ADAM23: variants seen among roughly 807,000 people sequenced by gnomAD.
ADAM23 encodes the protein ADAM metallopeptidase domain 23, also known as disintegrin and metalloproteinase domain-containing protein 23.
In ADAM23, 33 loss-of-function variants were observed where a neutral mutation model predicts 120.1. The ratio of observed to expected loss-of-function variants is 0.27; its 90% CI spans 0.21 to 0.37. The LOEUF is 0.37. Ranked by LOEUF, ADAM23 falls within the 10% of genes least tolerant of loss-of-function variation. ADAM23 has a pLI of 1.00. For missense variants in ADAM23, 862 were observed against 1,058.2 expected (o/e 0.81, Z 2.57); for synonymous variants, 367 against 375.2 (o/e 0.98, Z 0.25).
At position 206,443,827 on chromosome 2, in the gene ADAM23, C is replaced by G; in HGVS notation, c.-40C>G. ...GCCGCCCCGCAGCTAGCCCGGCGCT[C>G]TCGCCGGCCACACGGAGCGGCGCCC... On this transcript the variant is annotated 5_prime_UTR_variant, in exon 1 of 26. Transcript: ENST00000264377. 9.5e-7 allele frequency: 1 copy of G among 1,056,396 alleles called. No homozygotes were observed. The highest frequency in any genetic ancestry group is 1.1e-6 in the Non-Finnish European group (1 of 874,556). The allele number at this position is 1,056,396 out of a possible 1,614,324, so 65.4% of individuals were successfully genotyped here.
At chr2:206,577,633 G>A (rs1479335002) in intron 18 of ADAM23, among the ~76,000 whole-genome samples, 2 of 140,470 alleles carry the variant, frequency 1.4e-5, no homozygotes, top group Non-Finnish European at 3.1e-5. Flanking sequence ...TGGTGTATAT[G>A]TGCCACATTT....
intron 3 of ADAM23, among the ~76,000 whole-genome samples, chr2:206,499,886 G>T (rs977045577): frequency 6.6e-6 from 1 of 152,062 alleles, no homozygotes; most frequent in Non-Finnish European, 1.5e-5. Context: ...ACACCATGAA[G>T]TATTTTCAAT....
At chr2:206,458,594 G>A (rs1245027514) in intron 2 of ADAM23, among the ~76,000 whole-genome samples, 2 of 152,228 alleles carry the variant, frequency 1.3e-5, no homozygotes, top group Non-Finnish European at 2.9e-5. Flanking sequence ...TATAATCAGG[G>A]CACTCTAAGT....
chr2:206,609,826 C>A, intron 24 of ADAM23, 84 bp from the exon 25 acceptor site: 1 of 1,122,884 alleles, frequency 8.9e-7, no homozygotes, highest in Non-Finnish European at 1.3e-6. Context: ...ATATTTACTT[C>A]CTGAAACTGC....
chr2:206,543,280 G>T lies in ADAM23; in HGVS notation c.684G>T (p.Val228=). The T allele has an allele frequency of 6.2e-7, 1 of 1,614,074 alleles. No individual in the cohort carries two copies. The highest frequency in any genetic ancestry group is 8.5e-7 in the Non-Finnish European group (1 of 1,179,968). ...LHGMFEDDTF[V]YMIEPLELVH... ...GCATGTTTGAAGATGATACCTTCGTGTATATGATAGAGCCACTAGAGCTGG... is the reference window on the plus strand; with the variant it reads ...GCATGTTTGAAGATGATACCTTCGTTTATATGATAGAGCCACTAGAGCTGG... Residue 228 remains valine (V), a synonymous_variant, in exon 6 of 26, where the codon GTG becomes GTT. Transcript: ENST00000264377.
In ADAM23 at chr2:206,484,186, A is replaced by T. The variant is rs114723217; in HGVS notation, c.509+2878A>T. On this transcript the variant is annotated intron_variant, in intron 3 of 25. Transcript: ENST00000264377. ...GTGTGAAGCTGTAGGGTGTGTGCAG[A>T]TGGAGATTGACTTGCAGGTGAGGGG... Among the ~76,000 whole-genome samples the T allele has an allele frequency of 6.6e-3, 999 of 152,234 alleles. 12 individuals are homozygous for T. Among genetic ancestry groups the T allele is most frequent in the African/African-American group, 0.023 (938 of 41,550 alleles).
intron 4 of ADAM23, among the ~76,000 whole-genome samples, chr2:206,533,965 A>G (rs1447805863): frequency 6.6e-6 from 1 of 152,204 alleles, no homozygotes; most frequent in African/African-American, 2.4e-5. Context: ...TAATAAAACT[A>G]TTTTGTTGAT....
At chr2:206,560,253 T>C in intron 11 of ADAM23, 135 bp downstream of exon 11, 1 of 927,940 alleles carries the variant, frequency 1.1e-6, no homozygotes, top group Non-Finnish European at 1.6e-6. Context: ...GTCTGTTAGA[T>C]AAGAAGCATG....
chr2:206,612,734 T>C (rs1698849619), intron 25 of ADAM23, among the ~76,000 whole-genome samples: 1 of 152,232 alleles, frequency 6.6e-6, no homozygotes, highest in African/African-American at 2.4e-5. Flanking sequence ...TTCTTTAAAG[T>C]TCTTTCCTTA....
intron 3 of ADAM23, among the ~76,000 whole-genome samples, chr2:206,509,445 C>G (rs1325697481): frequency 2.0e-5 from 3 of 151,770 alleles, no homozygotes; most frequent in Non-Finnish European, 4.4e-5. Context: ...TTTGTATTTT[C>G]TTTTTTCTTT....
chr2:206,569,972 A>G (rs1399350784), intron 15 of ADAM23, among the ~76,000 whole-genome samples: 1 of 151,948 alleles, frequency 6.6e-6, no homozygotes, highest in Non-Finnish European at 1.5e-5. Context: ...AGGTGTAGTG[A>G]TTATGCCCAG....
Position 206,589,361 on chromosome 2 carries a change from A to G in ADAM23, c.1853-48A>G, listed in dbSNP as rs779651829. ...TACTGGCACACTACTGGTTATGGAT[A>G]ACAAAGAAAATGAAAATTAATTTTC... On this transcript the variant is annotated intron_variant, in intron 20 of 25. Coordinates refer to ENST00000264377, the MANE Select transcript of ADAM23 (RefSeq NM_003812.4). 3 of 1,529,456 alleles carry G rather than the reference A, an allele frequency of 2.0e-6. No individual in the cohort carries two copies. In the African/African-American group the frequency reaches 4.1e-5, roughly 21 times the overall value. The allele number at this position is 1,529,456 out of a possible 1,614,324, so 94.7% of individuals were successfully genotyped here. A position where few individuals can be genotyped will look rare whatever the true frequency, so the allele number is the denominator to read the frequency against.
chr2:206,549,060 G>T (rs1697459538), intron 8 of ADAM23, among the ~76,000 whole-genome samples: 1 of 151,874 alleles, frequency 6.6e-6, no homozygotes, highest in African/African-American at 2.4e-5. Flanking sequence ...ATGTAACTGA[G>T]AATTAATTCC....
intron 14 of ADAM23, among the ~76,000 whole-genome samples, chr2:206,565,836 T>C (rs1697865363): frequency 6.6e-6 from 1 of 152,180 alleles, no homozygotes; most frequent in South Asian, 2.1e-4. Context: ...TCCGTCCCTC[T>C]GGTTGCCAGA....
chr2:206,547,272 A>G (rs774072837), intron 6 of ADAM23, among the ~76,000 whole-genome samples, 157 bp from the exon 7 acceptor site: 5 of 152,238 alleles, frequency 3.3e-5, no homozygotes, highest in Non-Finnish European at 7.3e-5. Context: ...TTTAAAATTA[A>G]GATTTCAATA....
In ADAM23 at chr2:206,539,525, G is replaced by A. The variant is rs531885763; in HGVS notation, c.574-2527G>A. Among the ~76,000 whole-genome samples the A allele has an allele frequency of 5.3e-5, 8 of 152,294 alleles. No homozygotes were observed. In the South Asian group the frequency reaches 1.7e-3, roughly 32 times the overall value. ...TTGTCTTTTTGTTATTTTTAGAAGAGCCTTTTGCACTTTGTTTCTGTCCCC... is the reference window on the plus strand; with the variant it reads ...TTGTCTTTTTGTTATTTTTAGAAGAACCTTTTGCACTTTGTTTCTGTCCCC... On this transcript the variant is annotated intron_variant, in intron 4 of 25. Coordinates refer to ENST00000264377, the MANE Select transcript of ADAM23 (RefSeq NM_003812.4).
intron 2 of ADAM23, among the ~76,000 whole-genome samples, chr2:206,452,612 A>C (rs989290661): frequency 1.3e-5 from 2 of 152,112 alleles, no homozygotes; most frequent in Admixed American, 6.5e-5. Context: ...TTTGAGAGCA[A>C]CTCAGGCAAG....
chr2:206,457,530 C>T (rs1193769259), intron 2 of ADAM23, among the ~76,000 whole-genome samples: 3 of 152,168 alleles, frequency 2.0e-5, no homozygotes. Flanking sequence ...CATGTGTACA[C>T]ACCTCACTTG....
Position 206,567,152 on chromosome 2 carries a change from G to A in ADAM23, c.1395-71G>A. 4.3e-6 allele frequency: 5 copies of A among 1,153,712 alleles called. No homozygotes were observed. The South Asian group carries it at 6.8e-5, about 16-fold the overall frequency. The allele number at this position is 1,153,712 out of a possible 1,614,324, so 71.5% of individuals were successfully genotyped here. The stretch of plus-strand genomic sequence containing the variant: ...AAGTGAACATTTTGTTCTAATTTAG[G>A]GGTTTTAATTTTCTTCTCTGATGAT... On this transcript the variant is annotated intron_variant, in intron 14 of 25. Coordinates refer to ENST00000264377, the MANE Select transcript of ADAM23 (RefSeq NM_003812.4).
Sources: allele counts gnomAD v4.1 joint callset (sites outside exome capture counted in the v4.1 genomes callset), GRCh38; gene constraint gnomAD v4.1.1; transcripts MANE v1.5; gene names NCBI Gene and HGNC (gene_info 2026-07-23, HGNC 2026-07-21).